MYO9A: variants seen among roughly 807,000 people sequenced by gnomAD.
MYO9A encodes myosin IXA, also known as unconventional myosin-IXa.
Under a neutral mutation model 293.3 loss-of-function variants are expected in MYO9A, and 103 were observed. The observed-to-expected ratio is 0.35, with a 90% confidence interval of 0.30 to 0.41. MYO9A has a LOEUF of 0.41. Ranked by LOEUF, MYO9A falls within the 10% of genes least tolerant of loss-of-function variation. The pLI is 1.00. For missense variants in MYO9A, 2,685 were observed against 3,033.0 expected (o/e 0.89, Z 2.69); for synonymous variants, 1,001 against 1,035.7 (o/e 0.97, Z 0.64).
chr15:71,858,256 G>A (rs2055948798), intron 34 of MYO9A, among the ~76,000 whole-genome samples: 1 of 151,992 alleles, frequency 6.6e-6, no homozygotes, highest in South Asian at 2.1e-4. Context: ...ACCATTACTG[G>A]GTATATACCC....
intron 1 of MYO9A, among the ~76,000 whole-genome samples, chr15:72,051,972 T>A (rs933904880): frequency 6.6e-6 from 1 of 152,172 alleles, no homozygotes; most frequent in African/African-American, 2.4e-5. Flanking sequence ...TGGGAACTTG[T>A]GGTGCTTTCT....
At chr15:71,968,830 T>C (rs183576417) in intron 12 of MYO9A, among the ~76,000 whole-genome samples, 2 of 152,220 alleles carry the variant, frequency 1.3e-5, no homozygotes, top group African/African-American at 2.4e-5. Flanking sequence ...AAAATATCAT[T>C]GACAGAAAAA....
At chr15:72,083,179 T>C (rs1034529937) in intron 1 of MYO9A, among the ~76,000 whole-genome samples, 2 of 152,156 alleles carry the variant, frequency 1.3e-5, no homozygotes, top group Non-Finnish European at 2.9e-5. Flanking sequence ...GGCTATTTAT[T>C]ACTGATTCAA....
chr15:71,871,331 C>T (rs2056505876), intron 32 of MYO9A, among the ~76,000 whole-genome samples: 1 of 152,072 alleles, frequency 6.6e-6, no homozygotes, highest in African/African-American at 2.4e-5. Context: ...GATGTCATTA[C>T]GCCACTGCAC....
intron 2 of MYO9A, among the ~76,000 whole-genome samples, chr15:72,042,015 TAA>T (rs61163353): frequency 7.6e-5 from 10 of 131,866 alleles, no homozygotes; most frequent in Admixed American, 7.6e-5. Flanking sequence ...ACACTGACAG[TAA>T]AAAAAAAAAA....
intron 2 of MYO9A, among the ~76,000 whole-genome samples, chr15:72,033,261 T>A (rs1327865683): frequency 6.6e-6 from 1 of 152,170 alleles, no homozygotes; most frequent in Non-Finnish European, 1.5e-5. Context: ...TTTTACTTTT[T>A]AAAAAATTTG....
intron 18 of MYO9A, among the ~76,000 whole-genome samples, chr15:71,930,784 GTC>G (rs1385979836): frequency 6.6e-6 from 1 of 151,988 alleles, no homozygotes; most frequent in Non-Finnish European, 1.5e-5. Context: ...CAATAATTCT[GTC>G]TTCCCTTTGT....
Position 72,046,414 on chromosome 15 carries a change from T to G in MYO9A, c.150A>C (p.Ile50=), listed in dbSNP as rs148946252. Residue 50 remains isoleucine (I), a synonymous_variant, in exon 2 of 42, where the codon ATA becomes ATC. Coordinates refer to ENST00000356056, the MANE Select transcript of MYO9A (RefSeq NM_006901.4). The part of the protein sequence containing the change: ...STAAEVIESL[I]NKLHLDKTKC... ...TTGTTTTGTCAAGATGAAGTTTGTT[T>G]ATAAGAGACTCAATCACCTCAGCAG... 1.3e-3 allele frequency: 2,166 copies of G among 1,614,226 alleles called. 27 individuals carry two copies. The African/African-American group carries it at 0.02, about 15-fold the overall frequency.
chr15:72,085,099 T>C (rs2079673998), intron 1 of MYO9A, among the ~76,000 whole-genome samples: 1 of 152,112 alleles, frequency 6.6e-6, no homozygotes, highest in Non-Finnish European at 1.5e-5. Flanking sequence ...ATTCTGCTAT[T>C]AATACCTGCA....
chr15:71,840,758 T>C (rs953531037), intron 39 of MYO9A, among the ~76,000 whole-genome samples: 1 of 152,114 alleles, frequency 6.6e-6, no homozygotes, highest in Non-Finnish European at 1.5e-5. Context: ...GCCTCCTGAG[T>C]AGCTGGGACT....
At chr15:72,038,011 C>T (rs1048309957) in intron 2 of MYO9A, among the ~76,000 whole-genome samples, 1 of 151,664 alleles carries the variant, frequency 6.6e-6, no homozygotes, top group African/African-American at 2.4e-5. Context: ...ACTTCCTGAG[C>T]TCAAGCCATC....
intron 27 of MYO9A, among the ~76,000 whole-genome samples, chr15:71,884,237 A>G (rs922009740): frequency 3.3e-5 from 5 of 152,202 alleles, no homozygotes; most frequent in African/African-American, 1.2e-4. Context: ...GTCTTTATCC[A>G]TAAGTATGGC....
In MYO9A at chr15:71,875,742, A is replaced by G. The variant is rs578256711; in HGVS notation, c.5979+49T>C. The G allele has an allele frequency of 4.8e-6, 5 of 1,043,552 alleles. No homozygotes were observed. The East Asian group carries it at 1.4e-4, about 30-fold the overall frequency. 64.6% of individuals were successfully genotyped at this position (1,043,552 alleles called of 1,614,324 possible). A position where few individuals can be genotyped will look rare whatever the true frequency, so the allele number is the denominator to read the frequency against. On this transcript the variant is annotated intron_variant, in intron 32 of 41. Coordinates refer to ENST00000356056, the MANE Select transcript of MYO9A (RefSeq NM_006901.4). ...TATATTGTATGATATACCTCAGACAACTGATCTGAAAATTACTTTTTTAAT... is the reference window on the plus strand; with the variant it reads ...TATATTGTATGATATACCTCAGACAGCTGATCTGAAAATTACTTTTTTAAT...
intron 1 of MYO9A, among the ~76,000 whole-genome samples, chr15:72,096,503 A>G (rs945009449): frequency 2.0e-5 from 3 of 152,194 alleles, no homozygotes; most frequent in African/African-American, 7.2e-5. Flanking sequence ...TCAAAATACT[A>G]CTGCTTATTG....
chr15:71,867,292 A>T (rs188942856), intron 32 of MYO9A, among the ~76,000 whole-genome samples: 1 of 152,300 alleles, frequency 6.6e-6, no homozygotes, highest in African/African-American at 2.4e-5. Context: ...TGACCACTAA[A>T]TTATTGGAAG....
At chr15:71,926,653 G>A (rs1389322865) in intron 18 of MYO9A, among the ~76,000 whole-genome samples, 4 of 152,210 alleles carry the variant, frequency 2.6e-5, no homozygotes, top group Non-Finnish European at 4.4e-5. Context: ...GCTGCAGTGA[G>A]CCACGATCGT....
intron 18 of MYO9A, among the ~76,000 whole-genome samples, chr15:71,922,124 C>T (rs1315878424): frequency 6.6e-6 from 1 of 152,132 alleles, no homozygotes; most frequent in Non-Finnish European, 1.5e-5. Context: ...ACTACAGGCA[C>T]GTGCCACCAC....
At chr15:72,029,311 A>G (rs553634232) in intron 3 of MYO9A, among the ~76,000 whole-genome samples, 1 of 152,298 alleles carries the variant, frequency 6.6e-6, no homozygotes, top group Non-Finnish European at 1.5e-5. Context: ...ATCATTAGAC[A>G]ATTTTGTTGT....
chr15:71,973,056 C>T (rs1422053944), intron 12 of MYO9A, among the ~76,000 whole-genome samples: 1 of 152,088 alleles, frequency 6.6e-6, no homozygotes, highest in African/African-American at 2.4e-5. Flanking sequence ...AAAGAGAGTA[C>T]TGTGTTGGTC....
Sources: allele counts gnomAD v4.1 joint callset (sites outside exome capture counted in the v4.1 genomes callset), GRCh38; gene constraint gnomAD v4.1.1; transcripts MANE v1.5; gene names NCBI Gene and HGNC (gene_info 2026-07-23, HGNC 2026-07-21).